GSE1: variants seen among roughly 807,000 people sequenced by gnomAD.
GSE1 encodes genetic suppressor element 1.
A neutral mutation model predicts 112.6 loss-of-function variants in GSE1; 32 were observed. The observed-to-expected ratio is 0.28, with a 90% CI of 0.21 to 0.38. The LOEUF (loss-of-function observed/expected upper bound fraction) is 0.38. Ranked by LOEUF, GSE1 falls within the 10% of genes least tolerant of loss-of-function variation. GSE1 has a pLI of 1.00. For synonymous variants in GSE1, 1,115 were observed against 735.6 expected (o/e 1.52, Z -8.35); for missense variants, 2,348 against 1,699.2 (o/e 1.38, Z -6.71).
chr16:85,507,200 A>C (rs980375206), intron 2 of GSE1, among the ~76,000 whole-genome samples: 4 of 152,168 alleles, frequency 2.6e-5, no homozygotes, highest in Non-Finnish European at 4.4e-5. Flanking sequence ...CCATGTATTC[A>C]TCTAGATTTG....
At chr16:85,470,706 T>C (rs571545550) in intron 2 of GSE1, among the ~76,000 whole-genome samples, 2 of 152,292 alleles carry the variant, frequency 1.3e-5, no homozygotes, top group South Asian at 4.1e-4. Context: ...CTTGCAGCCA[T>C]CGGGCTGCCC....
chr16:85,483,708 G>A (rs1486570650), intron 2 of GSE1, among the ~76,000 whole-genome samples: 2 of 152,274 alleles, frequency 1.3e-5, no homozygotes, highest in Non-Finnish European at 2.9e-5. Context: ...TTAATTAATT[G>A]ACTTTGAGCG....
chr16:85,508,576 C>T (rs2051622279), intron 2 of GSE1, among the ~76,000 whole-genome samples: 1 of 152,194 alleles, frequency 6.6e-6, no homozygotes, highest in Non-Finnish European at 1.5e-5. Context: ...ACCCCCTCAG[C>T]TGTGGCCTGG....
At chr16:85,307,104 C>G (rs953952068) in intron 1 of GSE1, among the ~76,000 whole-genome samples, 2 of 143,960 alleles carry the variant, frequency 1.4e-5, no homozygotes, top group Non-Finnish European at 3.0e-5. Context: ...TCTGGTCACA[C>G]GTACAGGCTG....
At chr16:85,572,323 CCACA>C (rs1209299883) in intron 1 of GSE1, among the ~76,000 whole-genome samples, 1 of 142,804 alleles carries the variant, frequency 7.0e-6, no homozygotes, top group Admixed American at 6.8e-5. Context: ...ACACAACACA[CCACA>C]CACACCACAT....
chr16:85,622,316 T>A (rs903859705), intron 1 of GSE1, among the ~76,000 whole-genome samples: 2 of 152,192 alleles, frequency 1.3e-5, no homozygotes, highest in Non-Finnish European at 2.9e-5. Flanking sequence ...CTTGGGGCTT[T>A]GAAGATGGGA....
rs76287529 is a variant in GSE1, at chr16:85,471,967, C to A, written c.2464+114324C>A. 9.7e-3 allele frequency among the ~76,000 whole-genome samples: 1,470 copies of A among 152,312 alleles called. 25 individuals are homozygous for A. Among genetic ancestry groups the A allele is most frequent in the African/African-American group, 0.033 (1,381 of 41,564 alleles). Reference sequence around the variant, plus strand: ...GATGAGTGTTTACACCTTAAGGCACCGTAAGACCGTTGAGGTTTGGGGCCA... The same window carrying A: ...GATGAGTGTTTACACCTTAAGGCACAGTAAGACCGTTGAGGTTTGGGGCCA... On this transcript the variant is annotated intron_variant, in intron 2 of 2. Coordinates refer to the GSE1 transcript ENST00000637419.
chr16:85,503,188 G>T lies in GSE1; in HGVS notation c.2465-130726G>T, dbSNP rs1016713130. Among the ~76,000 whole-genome samples, 5 of 152,348 alleles carry T rather than the reference G, an allele frequency of 3.3e-5. No individual in the cohort carries two copies. The East Asian group carries it at 9.7e-4, about 29-fold the overall frequency. The stretch of plus-strand genomic sequence containing the variant: ...CCAGAGTGGGTGGGAGCCACTGACG[G>T]GATTAAGTGAGACGCTGAAGCCAGG... On this transcript the variant is annotated intron_variant, in intron 2 of 2. Coordinates refer to the GSE1 transcript ENST00000637419.
intron 4 of GSE1, 55 bp downstream of exon 4, chr16:85,654,505 A>G: frequency 6.9e-7 from 1 of 1,442,720 alleles, no homozygotes; most frequent in Non-Finnish European, 9.5e-7. Flanking sequence ...CACAGTGCTC[A>G]GGGTCTGGGT....
chr16:85,370,211 G>A (rs2047266118), intron 2 of GSE1, among the ~76,000 whole-genome samples: 1 of 152,138 alleles, frequency 6.6e-6, no homozygotes. Context: ...CCTGTCCCTG[G>A]GCACTGGGAA....
At chr16:85,626,993 C>T (rs905736760) in intron 1 of GSE1, among the ~76,000 whole-genome samples, 1 of 144,706 alleles carries the variant, frequency 6.9e-6, no homozygotes, top group African/African-American at 2.6e-5. Context: ...GCTCGCTGGG[C>T]CAGCCAGCCT....
At chr16:85,243,295 C>T (rs1905305675) in intron 1 of GSE1, among the ~76,000 whole-genome samples, 1 of 152,222 alleles carries the variant, frequency 6.6e-6, no homozygotes, top group Non-Finnish European at 1.5e-5. Flanking sequence ...GTCAAGGTGC[C>T]AGTGGAGCAG....
intron 1 of GSE1, among the ~76,000 whole-genome samples, chr16:85,289,959 T>C (rs1297653552): frequency 3.9e-5 from 6 of 152,154 alleles, no homozygotes; most frequent in African/African-American, 1.4e-4. Context: ...GCCCAGGAAT[T>C]TGCATTTTTT....
intron 1 of GSE1, chr16:85,285,266 C>T (rs907646731): frequency 6.6e-6 from 1 of 152,188 alleles, no homozygotes; most frequent in Non-Finnish European, 1.5e-5. Flanking sequence ...TGGTTAAACT[C>T]ACGAGAGTGT....
At chr16:85,627,651 A>G (rs2049185823) in intron 1 of GSE1, among the ~76,000 whole-genome samples, 1 of 151,976 alleles carries the variant, frequency 6.6e-6, no homozygotes, top group Admixed American at 6.5e-5. Context: ...GAGAGCTTGT[A>G]CAGTGCGGAG....
At chr16:85,345,911 G>T (rs796906790) in intron 1 of GSE1, among the ~76,000 whole-genome samples, 1 of 152,152 alleles carries the variant, frequency 6.6e-6, no homozygotes. Context: ...ATGTGGATGG[G>T]TGGATGGATG....
At chr16:85,457,223 C>T (rs2049854087) in intron 2 of GSE1, among the ~76,000 whole-genome samples, 1 of 152,192 alleles carries the variant, frequency 6.6e-6, no homozygotes. Context: ...AGGGCAGAGG[C>T]CCCGTCAGAG....
At chr16:85,550,359 C>T (rs560506282) in intron 2 of GSE1, among the ~76,000 whole-genome samples, 1 of 152,120 alleles carries the variant, frequency 6.6e-6, no homozygotes, top group African/African-American at 2.4e-5. Context: ...TGACCTTGAA[C>T]CAGATTGTCA....
chr16:85,530,037 C>T (rs2044088420), intron 2 of GSE1, among the ~76,000 whole-genome samples: 1 of 152,220 alleles, frequency 6.6e-6, no homozygotes, highest in Non-Finnish European at 1.5e-5. Context: ...AACCTGCCCG[C>T]ATGTACCCAG....
Sources: gnomAD v4.1 joint callset for allele counts (sites outside exome capture counted in the v4.1 genomes callset) on GRCh38, gnomAD v4.1.1 for gene constraint, MANE v1.5 for transcripts, NCBI Gene and HGNC (gene_info 2026-07-23, HGNC 2026-07-21) for gene names.